The following RFPL1 variants were observed in gnomAD, a reference collection of about 807,000 sequenced individuals.
RFPL1 encodes ret finger protein-like 1.
Under a neutral mutation model 9.6 loss-of-function variants are expected in RFPL1, and 6 were observed. The observed-to-expected ratio is 0.62, with a 90% CI of 0.34 to 1.23. RFPL1 has a LOEUF of 1.23. Among genes scored for constraint, RFPL1 ranks in the 50% most tolerant of loss-of-function variants. RFPL1 has a pLI of 0.03. For synonymous variants in RFPL1, 145 were observed against 149.4 expected, an observed-to-expected ratio of 0.97 and a Z score of 0.22; for missense variants, 352 against 398.4, an observed-to-expected ratio of 0.88 and a Z score of 0.99.
the RFPL1 span, among the ~76,000 whole-genome samples, chr22:29,424,855 G>C: frequency 9.6e-6 from 1 of 104,348 alleles, no homozygotes; most frequent in African/African-American, 3.9e-5. Flanking sequence ...GCAAAATTGA[G>C]ACTTTCAAGT....
chr22:29,409,000 TC>T, the RFPL1 span, among the ~76,000 whole-genome samples: 1 of 152,020 alleles, frequency 6.6e-6, no homozygotes, highest in Non-Finnish European at 1.5e-5. Flanking sequence ...GATCTGATCC[TC>T]ATGGTGTTTT....
chr22:29,397,991 G>T, the RFPL1 span, among the ~76,000 whole-genome samples: 239 of 152,282 alleles, frequency 1.6e-3, no homozygotes, highest in Non-Finnish European at 2.7e-3. Context: ...TGGCTTGCCC[G>T]AGGGGTCTCC....
At chr22:29,400,470 G>T in the RFPL1 span, among the ~76,000 whole-genome samples, 1 of 152,140 alleles carries the variant, frequency 6.6e-6, no homozygotes, top group African/African-American at 2.4e-5. Context: ...TTTTGTATCA[G>T]TCCGAAGCTA....
At chr22:29,424,424 C>T in the RFPL1 span, among the ~76,000 whole-genome samples, 21 of 152,038 alleles carry the variant, frequency 1.4e-4, no homozygotes, top group Non-Finnish European at 2.8e-4. Flanking sequence ...CCCACATTAC[C>T]TCATTTAATC....
the RFPL1 span, among the ~76,000 whole-genome samples, chr22:29,405,837 C>G: frequency 6.8e-3 from 1,032 of 152,192 alleles, 10 homozygotes; most frequent in African/African-American, 0.024. Context: ...CGGCCGGGCG[C>G]GGTGGCTCAC....
the RFPL1 span, among the ~76,000 whole-genome samples, chr22:29,412,774 C>T: frequency 2.0e-5 from 3 of 152,108 alleles, no homozygotes; most frequent in African/African-American, 7.2e-5. Flanking sequence ...ACAGCCTGTC[C>T]AGCCTATTGA....
the RFPL1 span, among the ~76,000 whole-genome samples, chr22:29,393,487 C>G: frequency 1.3e-5 from 2 of 152,292 alleles, no homozygotes; most frequent in Admixed American, 1.3e-4. Context: ...GGGAACTTCC[C>G]TCTCTGCCCC....
At chr22:29,435,813 T>C (rs2062805867), upstream of RFPL1, among the ~76,000 whole-genome samples, 1 of 152,236 alleles carries the variant, frequency 6.6e-6, no homozygotes, top group Non-Finnish European at 1.5e-5. Context: ...AAAGCTGTTA[T>C]TTTATGAATT....
At chr22:29,418,573 G>A in the RFPL1 span, among the ~76,000 whole-genome samples, 7 of 143,266 alleles carry the variant, frequency 4.9e-5, no homozygotes, top group Non-Finnish European at 9.0e-5. Flanking sequence ...AATCTCAGCT[G>A]AATGCACCCT....
chr22:29,434,094 C>T (rs895132843), upstream of RFPL1, among the ~76,000 whole-genome samples: 1 of 152,124 alleles, frequency 6.6e-6, no homozygotes, highest in Non-Finnish European at 1.5e-5. Flanking sequence ...TCAAGCGATC[C>T]TCCCACCTCA....
chr22:29,423,264 G>C, the RFPL1 span: 1 of 1,259,932 alleles, frequency 7.9e-7, no homozygotes, highest in South Asian at 1.2e-5. Context: ...GAGGGAGGAG[G>C]AGAAGGATCC....
At chr22:29,418,018 G>A in the RFPL1 span, among the ~76,000 whole-genome samples, 1 of 147,588 alleles carries the variant, frequency 6.8e-6, no homozygotes, top group Non-Finnish European at 1.5e-5. Context: ...TGCAGCCTCT[G>A]CCTCCTGGGT....
chr22:29,425,060 C>A, the RFPL1 span, among the ~76,000 whole-genome samples: 52 of 150,936 alleles, frequency 3.4e-4, no homozygotes, highest in Non-Finnish European at 6.6e-4. Context: ...AAAAATTAGC[C>A]GGGCGTGGTG....
At chr22:29,430,265 G>A in the RFPL1 span, among the ~76,000 whole-genome samples, 1 of 152,242 alleles carries the variant, frequency 6.6e-6, no homozygotes, top group East Asian at 1.9e-4. Flanking sequence ...CACAGCTCAA[G>A]CAATCACCCC....
the RFPL1 span, among the ~76,000 whole-genome samples, chr22:29,389,830 G>A: frequency 1.3e-5 from 2 of 151,084 alleles, no homozygotes; most frequent in African/African-American, 2.4e-5. Context: ...ACAGGGTCTC[G>A]CTCTGTTGCC....
the RFPL1 span, among the ~76,000 whole-genome samples, chr22:29,389,981 T>C: frequency 6.6e-6 from 1 of 152,056 alleles, no homozygotes; most frequent in South Asian, 2.1e-4. Flanking sequence ...GTATTTTTAG[T>C]AGAGGCGGGG....
chr22:29,398,292 A>T, the RFPL1 span, among the ~76,000 whole-genome samples: 36 of 152,336 alleles, frequency 2.4e-4, no homozygotes, highest in African/African-American at 8.2e-4. Flanking sequence ...GGACTGGATG[A>T]TCACTCATTT....
At chr22:29,408,937 C>T in the RFPL1 span, among the ~76,000 whole-genome samples, 7 of 150,528 alleles carry the variant, frequency 4.7e-5, no homozygotes, top group East Asian at 1.9e-4. Flanking sequence ...GTTTCACATC[C>T]GGTTTTTTAT....
At chr22:29,424,025 A>C in the RFPL1 span, among the ~76,000 whole-genome samples, 1 of 152,084 alleles carries the variant, frequency 6.6e-6, no homozygotes, top group African/African-American at 2.4e-5. Flanking sequence ...CTAAAAATAC[A>C]AAAAATTAGC....
Sources: allele counts gnomAD v4.1 joint callset (sites outside exome capture counted in the v4.1 genomes callset), GRCh38; gene constraint gnomAD v4.1.1; transcripts MANE v1.5; gene names NCBI Gene and HGNC (gene_info 2026-07-23, HGNC 2026-07-21).